Variants in SHLD1 observed in about 807,000 individuals in gnomAD.
The protein encoded by SHLD1 is RINN1-REV7-interacting novel NHEJ regulator 3.
Under a neutral mutation model 5.5 loss-of-function variants are expected in SHLD1, and 3 were observed. The ratio of observed to expected loss-of-function variants is 0.54; its 90% CI spans 0.25 to 1.40. The LOEUF is 1.40. Ranked by LOEUF, SHLD1 falls within the 40% of genes most tolerant of loss-of-function variation. The pLI is 0.15. For missense variants in SHLD1, 210 were observed against 244.4 expected, an observed-to-expected ratio of 0.86 and a Z score of 0.94; for synonymous variants, 92 against 94.3, an observed-to-expected ratio of 0.98 and a Z score of 0.14.
At chr20:5,811,355 TATCAG>T (rs1446039509) in intron 2 of SHLD1, among the ~76,000 whole-genome samples, 2 of 152,118 alleles carry the variant, frequency 1.3e-5, no homozygotes, top group African/African-American at 4.8e-5. Flanking sequence ...AAACTTTACT[TATCAG>T]ATTAGAAAAC....
chr20:5,801,672 T>A (rs1365254885), intron 2 of SHLD1, among the ~76,000 whole-genome samples: 1 of 152,126 alleles, frequency 6.6e-6, no homozygotes, highest in Non-Finnish European at 1.5e-5. Flanking sequence ...AGGGCAGGGC[T>A]CCTCTGGAAG....
chr20:5,859,627 A>G lies in SHLD1; in HGVS notation c.179-3397A>G, dbSNP rs73596880. On this transcript the variant is annotated intron_variant, in intron 2 of 2. Transcript: ENST00000303142. ...TACATTTGCTGGCAAAGAAATGGTG[A>G]CATCCAAAAGCTACAACAGCCTTAT... Among the ~76,000 whole-genome samples the G allele has an allele frequency of 5.2e-3, 793 of 152,336 alleles. 7 individuals carry two copies. Among genetic ancestry groups the G allele is most frequent in the African/African-American group, 0.019 (771 of 41,582 alleles).
intron 2 of SHLD1, among the ~76,000 whole-genome samples, chr20:5,854,847 C>G (rs1185140569): frequency 6.8e-6 from 1 of 147,620 alleles, no homozygotes; most frequent in Non-Finnish European, 1.5e-5. Flanking sequence ...TGGTAACCAC[C>G]ATTCTGTTTT....
intron 2 of SHLD1, among the ~76,000 whole-genome samples, chr20:5,836,699 C>T (rs539169106): frequency 1.5e-5 from 2 of 132,504 alleles, no homozygotes; most frequent in South Asian, 2.3e-4. Context: ...CCAGTCAGGA[C>T]GTGGGAGGAT....
intron 2 of SHLD1, among the ~76,000 whole-genome samples, chr20:5,792,523 G>A (rs6139833): frequency 0.22 from 32,961 of 151,820 alleles, 3,935 homozygotes; most frequent in Middle Eastern, 0.32. Flanking sequence ...GGGTTCAAGC[G>A]ATTCTCATGC....
At position 5,862,571 on chromosome 20, in the gene SHLD1, C is replaced by T. The variant is rs952033414; in HGVS notation, c.179-453C>T. ...ATTCTTTGGTCTTTCAGCACCTTCC[C>T]AGTTTGGGGGTGGGTACTACAGTCC... is the stretch of plus-strand genomic sequence containing the variant. On this transcript the variant is annotated intron_variant, in intron 2 of 2. Coordinates refer to ENST00000303142, the MANE Select transcript of SHLD1 (RefSeq NM_152504.4). Among the ~76,000 whole-genome samples, 36 of 152,354 alleles carry T rather than the reference C, an allele frequency of 2.4e-4. 1 individual carries two copies. Among genetic ancestry groups the T allele is most frequent in the African/African-American group, 6.0e-4 (25 of 41,594 alleles).
intron 1 of SHLD1, among the ~76,000 whole-genome samples, chr20:5,762,951 G>A (rs1984549513): frequency 7.5e-6 from 1 of 132,866 alleles, no homozygotes; most frequent in South Asian, 2.5e-4. Flanking sequence ...CTAACCTGGT[G>A]ACAGAGTGAG....
chr20:5,823,900 A>G (rs1600157217), intron 2 of SHLD1, among the ~76,000 whole-genome samples: 1 of 151,468 alleles, frequency 6.6e-6, no homozygotes, highest in Admixed American at 6.6e-5. Flanking sequence ...ATGTCTCACC[A>G]CCTCCTCCAC....
At chr20:5,794,865 G>A (rs1272798631) in intron 2 of SHLD1, among the ~76,000 whole-genome samples, 1 of 152,014 alleles carries the variant, frequency 6.6e-6, no homozygotes, top group African/African-American at 2.4e-5. Flanking sequence ...AAATCAGTGA[G>A]AACACAGGAT....
chr20:5,853,841 A>C (rs1378781704), intron 2 of SHLD1, among the ~76,000 whole-genome samples: 22 of 145,484 alleles, frequency 1.5e-4, no homozygotes, highest in Admixed American at 1.2e-3. Context: ...CTCCACGTCT[A>C]CTTTTTTTTT....
intron 2 of SHLD1, among the ~76,000 whole-genome samples, chr20:5,779,830 T>G (rs1037769494): frequency 4.6e-5 from 7 of 152,106 alleles, no homozygotes; most frequent in Non-Finnish European, 7.4e-5. Flanking sequence ...TCTCAAGAAC[T>G]GGCAGAGTAT....
intron 2 of SHLD1, among the ~76,000 whole-genome samples, chr20:5,842,019 C>G (rs1247119022): frequency 6.6e-6 from 1 of 152,146 alleles, no homozygotes; most frequent in Non-Finnish European, 1.5e-5. Context: ...ATAAAACCAA[C>G]CTAGAACAAC....
chr20:5,774,010 C>T (rs1157277214), intron 2 of SHLD1, among the ~76,000 whole-genome samples: 5 of 152,052 alleles, frequency 3.3e-5, no homozygotes. Flanking sequence ...TCAAGACCAG[C>T]CTGGCCAACA....
chr20:5,790,845 C>CA (rs1011407614), intron 2 of SHLD1, among the ~76,000 whole-genome samples: 34 of 151,636 alleles, frequency 2.2e-4, no homozygotes, highest in African/African-American at 7.7e-4. Flanking sequence ...TACCAAGAAC[C>CA]AAAAAATTAC....
intron 2 of SHLD1, among the ~76,000 whole-genome samples, chr20:5,825,482 C>T (rs903854735): frequency 6.6e-6 from 1 of 152,158 alleles, no homozygotes; most frequent in South Asian, 2.1e-4. Flanking sequence ...TGTCTTTTTC[C>T]GTAAAGAGAG....
chr20:5,797,337 G>C (rs554300816), intron 2 of SHLD1, among the ~76,000 whole-genome samples: 2 of 152,260 alleles, frequency 1.3e-5, no homozygotes, highest in South Asian at 2.1e-4. Flanking sequence ...GAGTTAGGAG[G>C]ATGGCTTGAG....
chr20:5,758,328 AGGGGAGGGGAAGGGAG>A (rs1266524336), intron 1 of SHLD1, among the ~76,000 whole-genome samples: 353 of 24,798 alleles, frequency 0.014, 2 homozygotes, highest in Non-Finnish European at 0.023. Flanking sequence ...AAGGGAGGGG[AGGGGAGGGGAAGGGAG>A]GGGGAGGGGA....
chr20:5,769,385 A>AATACTGAGTTAAAGACCATC (rs1376545557), intron 1 of SHLD1, among the ~76,000 whole-genome samples: 1 of 152,256 alleles, frequency 6.6e-6, no homozygotes, highest in African/African-American at 2.4e-5. Context: ...AGGGTAAACA[A>AATACTGAGTTAAAGACCATC]ATACTGAGTT....
chr20:5,758,653 T>A (rs1263558847), intron 1 of SHLD1, among the ~76,000 whole-genome samples: 4 of 152,026 alleles, frequency 2.6e-5, no homozygotes, highest in Admixed American at 6.6e-5. Flanking sequence ...ACTGCTGACC[T>A]TGTGATCCAC....
Sources: gnomAD v4.1 joint callset for allele counts (sites outside exome capture counted in the v4.1 genomes callset) on GRCh38, gnomAD v4.1.1 for gene constraint, MANE v1.5 for transcripts, NCBI Gene and HGNC (gene_info 2026-07-23, HGNC 2026-07-21) for gene names.